The following PRKD1 variants were observed in gnomAD, a reference collection of about 807,000 sequenced individuals.
PRKD1 encodes the protein protein kinase D1, also known as serine/threonine-protein kinase D1.
Under a neutral mutation model 95.9 loss-of-function variants are expected in PRKD1, and 63 were observed. The observed-to-expected ratio is 0.66, with a 90% CI of 0.54 to 0.81. The LOEUF (loss-of-function observed/expected upper bound fraction) is 0.81, where lower values mean the gene tolerates loss of function less well. Among genes scored for constraint, PRKD1 ranks in the 30% least tolerant of loss-of-function variants. The pLI, the probability that PRKD1 is intolerant of heterozygous loss-of-function variation, is 0.00. For missense variants in PRKD1, 1,048 were observed against 1,165.3 expected (o/e 0.90, Z 1.47); for synonymous variants, 425 against 423.1 (o/e 1.00, Z -0.05).
intron 4 of PRKD1, among the ~76,000 whole-genome samples, chr14:29,663,373 C>T (rs1490211680): frequency 6.6e-6 from 1 of 151,928 alleles, no homozygotes; most frequent in Non-Finnish European, 1.5e-5. Flanking sequence ...CTTCAGAGAA[C>T]ATTTTGTATC....
chr14:29,863,837 A>G (rs1338664204), intron 1 of PRKD1, among the ~76,000 whole-genome samples: 1 of 152,132 alleles, frequency 6.6e-6, no homozygotes, highest in African/African-American at 2.4e-5. Flanking sequence ...CCCAACAAAA[A>G]TCAGTAGAGC....
chr14:29,684,663 A>G (rs1332552441), intron 2 of PRKD1, among the ~76,000 whole-genome samples: 1 of 152,182 alleles, frequency 6.6e-6, no homozygotes, highest in African/African-American at 2.4e-5. Flanking sequence ...GTTTACCAAG[A>G]TAATTCTAAG....
intron 13 of PRKD1, among the ~76,000 whole-genome samples, chr14:29,616,178 C>T (rs1878839763): frequency 8.3e-6 from 1 of 120,112 alleles, no homozygotes; most frequent in Non-Finnish European, 1.6e-5. Flanking sequence ...CTTGTAAGTA[C>T]AGGGATGAAG....
rs150570301 is a variant in PRKD1, at chr14:29,609,506, GCACACA to G, written c.1906-9695_1906-9690del. The stretch of plus-strand genomic sequence containing the variant: ...CTAATCTATTTGTGTGTGTGTGCGT[GCACACA>G]CACACACACACACACACACACACAC... On this transcript the variant is annotated intron_variant, in intron 13 of 17. Transcript: ENST00000331968. 5.5e-3 allele frequency among the ~76,000 whole-genome samples: 702 copies of G among 127,482 alleles called. 9 individuals are homozygous for G. The highest frequency in any genetic ancestry group is 0.019 in the African/African-American group (648 of 33,744). The allele number at this position is 127,482 out of a possible 152,430, so 83.6% of individuals were successfully genotyped here.
At chr14:29,716,640 T>C (rs1242107896) in intron 2 of PRKD1, among the ~76,000 whole-genome samples, 2 of 152,138 alleles carry the variant, frequency 1.3e-5, no homozygotes, top group Non-Finnish European at 2.9e-5. Context: ...AATGAATAAA[T>C]TGACGAAGTC....
At chr14:29,677,397 A>G (rs1356541279) in intron 2 of PRKD1, among the ~76,000 whole-genome samples, 1 of 152,210 alleles carries the variant, frequency 6.6e-6, no homozygotes, top group East Asian at 1.9e-4. Context: ...AATTTAGATC[A>G]ATCAGAATCC....
chr14:29,707,660 A>G (rs544624817), intron 2 of PRKD1, among the ~76,000 whole-genome samples: 2 of 152,174 alleles, frequency 1.3e-5, no homozygotes, highest in Admixed American at 6.5e-5. Context: ...ACTGCTAACC[A>G]TTTCCACCTC....
chr14:29,670,145 T>C (rs1217869287), intron 2 of PRKD1, among the ~76,000 whole-genome samples: 1 of 152,204 alleles, frequency 6.6e-6, no homozygotes, highest in African/African-American at 2.4e-5. Flanking sequence ...GCAGTCCTAA[T>C]AATTTCAACC....
At chr14:29,915,206 C>T (rs1009414868) in intron 1 of PRKD1, among the ~76,000 whole-genome samples, 5 of 152,146 alleles carry the variant, frequency 3.3e-5, no homozygotes, top group African/African-American at 1.2e-4. Context: ...CACTTGGTGG[C>T]CACATCTTAT....
intron 1 of PRKD1, among the ~76,000 whole-genome samples, chr14:29,888,903 G>C (rs1445702737): frequency 1.3e-5 from 2 of 152,170 alleles, no homozygotes; most frequent in African/African-American, 2.4e-5. Context: ...GGTGAAAATA[G>C]CTTACTGAGT....
intron 1 of PRKD1, among the ~76,000 whole-genome samples, chr14:29,769,085 C>T (rs1248266293): frequency 6.6e-6 from 1 of 151,998 alleles, no homozygotes; most frequent in Non-Finnish European, 1.5e-5. Flanking sequence ...TACCAGGAAA[C>T]GACAGAGGCA....
At chr14:29,700,988 G>GCGCGCACACACACACACACACACA (rs140824053) in intron 2 of PRKD1, among the ~76,000 whole-genome samples, 1 of 90,568 alleles carries the variant, frequency 1.1e-5, no homozygotes, top group African/African-American at 4.3e-5. Flanking sequence ...GCGCGCGCGC[G>GCGCGCACACACACACACACACACA]CACACACACA....
intron 1 of PRKD1, among the ~76,000 whole-genome samples, chr14:29,824,554 C>T (rs773545191): frequency 6.6e-6 from 1 of 151,966 alleles, no homozygotes; most frequent in Non-Finnish European, 1.5e-5. Flanking sequence ...GGGCCCAGCA[C>T]CAATATTCAG....
chr14:29,855,126 C>A (rs1892448125), intron 1 of PRKD1, among the ~76,000 whole-genome samples: 1 of 152,166 alleles, frequency 6.6e-6, no homozygotes, highest in Non-Finnish European at 1.5e-5. Context: ...GGGGCACCAC[C>A]AAGTGGAGCT....
chr14:29,837,079 A>T (rs1891637747), intron 1 of PRKD1, among the ~76,000 whole-genome samples: 1 of 152,154 alleles, frequency 6.6e-6, no homozygotes, highest in African/African-American at 2.4e-5. Flanking sequence ...CTGGATTAAG[A>T]CCTTAAATGG....
intron 2 of PRKD1, among the ~76,000 whole-genome samples, chr14:29,694,407 G>T (rs1342388376): frequency 1.3e-5 from 2 of 152,160 alleles, no homozygotes; most frequent in East Asian, 3.9e-4. Flanking sequence ...AGCTTAATAT[G>T]CCACAAGTGA....
At chr14:29,727,577 T>C (rs1886222346) in intron 1 of PRKD1, among the ~76,000 whole-genome samples, 2 of 150,874 alleles carry the variant, frequency 1.3e-5, no homozygotes, top group African/African-American at 4.9e-5. Context: ...TTGTATAAGG[T>C]GTAAGGAAGG....
chr14:29,902,823 G>T (rs1161031179), intron 1 of PRKD1, among the ~76,000 whole-genome samples: 2 of 77,930 alleles, frequency 2.6e-5, no homozygotes, highest in Non-Finnish European at 4.9e-5. Flanking sequence ...TATATCATAA[G>T]AAATTTAGAA....
At chr14:29,693,437 G>T (rs1295751696) in intron 2 of PRKD1, among the ~76,000 whole-genome samples, 1 of 151,788 alleles carries the variant, frequency 6.6e-6, no homozygotes. Context: ...CAAATCCCAT[G>T]GAACCCAGAA....
Sources: gnomAD v4.1 joint callset for allele counts (sites outside exome capture counted in the v4.1 genomes callset) on GRCh38, gnomAD v4.1.1 for gene constraint, MANE v1.5 for transcripts, NCBI Gene and HGNC (gene_info 2026-07-23, HGNC 2026-07-21) for gene names.